MORC2: variants seen among roughly 807,000 people sequenced by gnomAD.
The protein encoded by MORC2 is ATPase MORC2.
A neutral mutation model predicts 136.0 loss-of-function variants in MORC2; 30 were observed. That is an observed-to-expected ratio of 0.22 (90% confidence interval 0.17 to 0.30). MORC2 has a LOEUF of 0.30. MORC2 is among the 10% of genes least tolerant of loss of function. The pLI is 1.00. For synonymous variants in MORC2, 439 were observed against 487.0 expected (o/e 0.90, Z 1.30); for missense variants, 922 against 1,333.1 (o/e 0.69, Z 4.80).
chr22:30,959,221 G>C (rs1281398121), intron 1 of MORC2, among the ~76,000 whole-genome samples: 1 of 152,080 alleles, frequency 6.6e-6, no homozygotes, highest in Non-Finnish European at 1.5e-5. Context: ...TCCAAACTTT[G>C]AGCAGCCTCC....
intron 6 of MORC2, among the ~76,000 whole-genome samples, chr22:30,945,894 G>C (rs1443078243): frequency 6.6e-6 from 1 of 152,098 alleles, no homozygotes; most frequent in South Asian, 2.1e-4. Flanking sequence ...TTCTGACATA[G>C]AGTAACACAT....
intron 1 of MORC2, chr22:30,967,063 T>TA (rs2147334147): frequency 1.0e-6 from 1 of 977,274 alleles, no homozygotes; most frequent in East Asian, 1.1e-4. Flanking sequence ...TTAGAACACT[T>TA]ACCTTCATCT....
chr22:30,936,362 G>C (rs889551992), intron 17 of MORC2, 149 bp downstream of exon 17: 3 of 989,086 alleles, frequency 3.0e-6, no homozygotes, highest in Non-Finnish European at 4.5e-6. Flanking sequence ...ACGTGGACCT[G>C]GAGGTTGGGG....
At chr22:30,962,157 G>C (rs1335393463) in intron 1 of MORC2, among the ~76,000 whole-genome samples, 1 of 151,070 alleles carries the variant, frequency 6.6e-6, no homozygotes, top group East Asian at 1.9e-4. Flanking sequence ...AGCCGACATT[G>C]TGAGATCGCG....
chr22:30,967,174 C>G, intron 1 of MORC2: 1 of 985,292 alleles, frequency 1.0e-6, no homozygotes, highest in Non-Finnish European at 1.2e-6. Flanking sequence ...CATTCCAGAC[C>G]ATGTTGGAGT....
Position 30,932,732 on chromosome 22 carries a change from G to A in MORC2, c.2560C>T (p.Pro854Ser), listed in dbSNP as rs1184836129. 2.5e-6 allele frequency: 4 copies of A among 1,614,172 alleles called. No individual in the cohort carries two copies. In the South Asian group the frequency reaches 4.4e-5, roughly 18 times the overall value. Residue 854 changes from proline to serine, a missense_variant, in exon 23 of 26, where the codon CCC (proline) becomes TCC (serine). Around this residue, in one of 9 missense-constraint regions of MORC2, gnomAD observed 263 missense variants for 388.3 expected, o/e 0.68. Coordinates refer to ENST00000397641, the MANE Select transcript of MORC2 (RefSeq NM_001303256.3). This position sits in a 1 kb window ranked among gnomAD's most constrained non-coding sequence, Gnocchi z 4.4. ...KGSEDVRLMK[P>S]PSPEHQSLDT... ...AGGCTCTGATGTTCCGGAGAAGGGG[G>A]TTTCATCAGCCGCACATCCTCACTG...
intron 6 of MORC2, among the ~76,000 whole-genome samples, chr22:30,944,629 A>G (rs1384152338): frequency 6.6e-6 from 1 of 151,920 alleles, no homozygotes; most frequent in African/African-American, 2.4e-5. Context: ...TCCAGAAGAA[A>G]CTTACACTCT....
chr22:30,933,127 G>C (rs1331177453), intron 21 of MORC2, 97 bp from the exon 22 acceptor site: 30 of 1,533,388 alleles, frequency 2.0e-5, no homozygotes, highest in Non-Finnish European at 2.7e-5. Context: ...GGGTTTGGAG[G>C]ACAGGAACAC....
chr22:30,939,803 G>C, intron 11 of MORC2, 97 bp from the exon 12 acceptor site: 1 of 1,388,052 alleles, frequency 7.2e-7, no homozygotes, highest in Non-Finnish European at 9.9e-7. Context: ...TTATCTCAAA[G>C]ATGTAAAACC....
intron 3 of MORC2, among the ~76,000 whole-genome samples, chr22:30,954,931 G>A (rs940307631): frequency 6.6e-6 from 1 of 150,546 alleles, no homozygotes; most frequent in Non-Finnish European, 1.5e-5. Context: ...GCTTGGAAAG[G>A]CACCTCCATC....
At chr22:30,931,550 C>G (rs75445772) in intron 24 of MORC2, among the ~76,000 whole-genome samples, 2,421 of 152,310 alleles carry the variant, frequency 0.016, 59 homozygotes, top group African/African-American at 0.052. Flanking sequence ...CTTTCAGGCC[C>G]CTTGACCCTA....
chr22:30,949,250 G>A (rs941180594), intron 5 of MORC2, among the ~76,000 whole-genome samples: 2 of 152,166 alleles, frequency 1.3e-5, no homozygotes, highest in African/African-American at 4.8e-5. Context: ...CATTAGGTAG[G>A]TCCCTGCTAT....
chr22:30,928,249 G>C (rs1337460386), intron 24 of MORC2, 42 bp from the exon 25 acceptor site: 1 of 1,607,242 alleles, frequency 6.2e-7, no homozygotes, highest in South Asian at 1.1e-5. Context: ...TAAGTTCACA[G>C]GGGTCCCCAG....
In MORC2 at chr22:30,937,704, C is replaced by T. The variant is rs2040674954; in HGVS notation, c.1377G>A (p.Arg459=). ...QYWKDIAIAQ[R]GIIKFWDEFG... Reference sequence around the variant, plus strand: ...ACTCATCCCAGAACTTGATGATTCCCCTCTGGGCTGGAAAGCAAACACCGA... The same window carrying T: ...ACTCATCCCAGAACTTGATGATTCCTCTCTGGGCTGGAAAGCAAACACCGA... Residue 459 remains arginine (R), a synonymous_variant, in exon 15 of 26, where the codon AGG becomes AGA. Transcript: ENST00000397641. This position sits in a 1 kb window ranked among gnomAD's most constrained non-coding sequence, Gnocchi z 4.7. The T allele has an allele frequency of 3.1e-6, 5 of 1,614,132 alleles. No individual in the cohort carries two copies. Among genetic ancestry groups the T allele is most frequent in the Non-Finnish European group, 3.4e-6 (4 of 1,180,028 alleles).
chr22:30,948,099 G>A (rs2040843893), intron 5 of MORC2, among the ~76,000 whole-genome samples: 1 of 152,190 alleles, frequency 6.6e-6, no homozygotes, highest in Admixed American at 6.5e-5. Context: ...CACTTTCAGA[G>A]TCACATTTCA....
At chr22:30,965,645 C>G (rs2041117006) in intron 1 of MORC2, among the ~76,000 whole-genome samples, 1 of 152,158 alleles carries the variant, frequency 6.6e-6, no homozygotes, top group African/African-American at 2.4e-5. Context: ...GGTTCCAGTT[C>G]AACATGGGTA....
In MORC2 at chr22:30,949,817, A is replaced by T; in HGVS notation, c.252T>A (p.Phe84Leu). 6.2e-7 allele frequency: 1 copy of T among 1,614,162 alleles called. No homozygotes were observed. Among genetic ancestry groups the T allele is most frequent in the African/African-American group, 1.3e-5 (1 of 75,040 alleles). ...DPSDAASVIQ[F>L]GKSAKRTPES... ...CAGGTGTTCGCTTGGCCGACTTCCC[A>T]AACTGGATCACACTGGCAGCATCAC... The change falls in exon 5 of 26, where the codon TTT becomes TTA. Residue 84 changes from phenylalanine to leucine, a missense_variant. Physicochemically the swap from Phe to Leu is conservative, Grantham distance 22 (BLOSUM62 0). Coordinates refer to ENST00000397641, the MANE Select transcript of MORC2 (RefSeq NM_001303256.3).
chr22:30,950,337 G>GCGGGGGGGGGGCCCCCCC, intron 4 of MORC2, 40 bp downstream of exon 4: 2 of 761,768 alleles, frequency 2.6e-6, no homozygotes, highest in Non-Finnish European at 4.7e-6. Context: ...TGGTTACATC[G>GCGGGGGGGGGGCCCCCCC]CACCCCCCCA....
At position 30,925,797 on chromosome 22, in the gene MORC2, A is replaced by G. The variant is rs1001363977; in HGVS notation, c.*1006T>C. On this transcript the variant is annotated 3_prime_UTR_variant, in exon 26 of 26. Transcript: ENST00000397641. ...TGGCGCCGTGATGGAACATGGAGGG[A>G]AGGCATGGTGTGCTTCCTGCAGAGA... 3 of 153,398 alleles carry G rather than the reference A, an allele frequency of 2.0e-5. No homozygotes were observed. The highest frequency in any genetic ancestry group is 4.8e-5 in the African/African-American group (2 of 41,416). The allele number at this position is 153,398 out of a possible 1,614,324, so 9.5% of individuals were successfully genotyped here.
Sources: allele counts gnomAD v4.1 joint callset (sites outside exome capture counted in the v4.1 genomes callset), GRCh38; gene constraint gnomAD v4.1.1; regional missense constraint gnomAD v4.1.1; non-coding constraint Gnocchi (gnomAD v3.1); transcripts MANE v1.5; gene names NCBI Gene and HGNC (gene_info 2026-07-23, HGNC 2026-07-21).